Variants in NUAK1 observed in about 807,000 individuals in gnomAD.
NUAK1 encodes the protein NUAK family SNF1-like kinase 1.
Under a neutral mutation model 56.9 loss-of-function variants are expected in NUAK1, and 26 were observed. The ratio of observed to expected loss-of-function variants is 0.46; its 90% CI spans 0.33 to 0.63. The LOEUF (loss-of-function observed/expected upper bound fraction) is 0.63, where lower values mean the gene tolerates loss of function less well. Ranked by LOEUF, NUAK1 falls within the 30% of genes least tolerant of loss-of-function variation. The probability of loss-of-function intolerance (pLI) is 0.02; values close to 1 mark genes in which losing one functional copy is unlikely to be tolerated. For synonymous variants in NUAK1, 337 were observed against 336.0 expected (o/e 1.00, Z -0.03); for missense variants, 727 against 876.1 (o/e 0.83, Z 2.15).
intron 6 of NUAK1, among the ~76,000 whole-genome samples, chr12:106,070,397 C>G (rs905478835): frequency 6.6e-6 from 1 of 152,186 alleles, no homozygotes; most frequent in African/African-American, 2.4e-5. Flanking sequence ...AGAGCAGTGG[C>G]CACCCTCACA....
At chr12:106,132,866 C>A (rs915580571) in intron 1 of NUAK1, among the ~76,000 whole-genome samples, 1 of 152,092 alleles carries the variant, frequency 6.6e-6, no homozygotes, top group Non-Finnish European at 1.5e-5. Context: ...CCAGCTCAGA[C>A]CCCTCTAGAG....
At chr12:106,102,344 C>T (rs146151777) in intron 2 of NUAK1, among the ~76,000 whole-genome samples, 80 of 152,290 alleles carry the variant, frequency 5.3e-4, no homozygotes, top group African/African-American at 1.9e-3. Context: ...CAGCACTGTC[C>T]GGCAGAACTT....
intron 1 of NUAK1, among the ~76,000 whole-genome samples, chr12:106,133,118 C>T (rs2033096179): frequency 6.6e-6 from 1 of 151,984 alleles, no homozygotes; most frequent in Non-Finnish European, 1.5e-5. Context: ...TATTATTACC[C>T]CCATCTTACC....
intron 6 of NUAK1, among the ~76,000 whole-genome samples, chr12:106,068,386 G>T (rs1054976487): frequency 1.4e-4 from 22 of 152,166 alleles, no homozygotes; most frequent in African/African-American, 5.1e-4. Context: ...TCCTCCAAAG[G>T]TGGGCTTGTA....
Position 106,086,613 on chromosome 12 carries a change from T to C in NUAK1, c.513+121A>G. 3 of 941,958 alleles carry C rather than the reference T, an allele frequency of 3.2e-6. No individual in the cohort carries two copies. The South Asian group carries it at 1.4e-4, about 43-fold the overall frequency. The allele number at this position is 941,958 out of a possible 1,614,324, so 58.3% of individuals were successfully genotyped here. On this transcript the variant is annotated intron_variant, in intron 3 of 6. Transcript: ENST00000261402. ...CGGGTGATGGTAATTTTCTTCTTTC[T>C]AGTTCATAAATTCTCCATACATGCT...
chr12:106,106,537 G>T lies in NUAK1; in HGVS notation c.241-12C>A. The stretch of plus-strand genomic sequence containing the variant: ...GATTTTATAGCAACCTATAAAGTCA[G>T]GAAATGAAATGTTATTCAGAGAGCT... On this transcript the variant is annotated splice_polypyrimidine_tract_variant and intron_variant, in intron 1 of 6. Coordinates refer to ENST00000261402, the MANE Select transcript of NUAK1 (RefSeq NM_014840.3). The T allele has an allele frequency of 6.2e-7, 1 of 1,608,724 alleles. No homozygotes were observed. The highest frequency in any genetic ancestry group is 1.1e-5 in the South Asian group (1 of 89,880).
intron 5 of NUAK1, 82 bp from the exon 6 acceptor site, chr12:106,070,988 T>G: frequency 3.3e-6 from 5 of 1,503,162 alleles, no homozygotes; most frequent in Non-Finnish European, 3.7e-6. Context: ...TCATAGCCTG[T>G]GAGCAGCCAC....
chr12:106,122,978 T>C (rs2032992856), intron 1 of NUAK1, among the ~76,000 whole-genome samples: 1 of 152,234 alleles, frequency 6.6e-6, no homozygotes. Context: ...CAACCTGTAG[T>C]CCATGCTCGA....
chr12:106,069,856 G>T (rs1361464417), intron 6 of NUAK1, among the ~76,000 whole-genome samples: 2 of 152,086 alleles, frequency 1.3e-5, no homozygotes, highest in Non-Finnish European at 2.9e-5. Flanking sequence ...AACTTCATTT[G>T]TTAACAAAAA....
At chr12:106,072,397 T>A (rs1015745156) in intron 5 of NUAK1, among the ~76,000 whole-genome samples, 1 of 152,212 alleles carries the variant, frequency 6.6e-6, no homozygotes, top group African/African-American at 2.4e-5. Context: ...CATATGTATA[T>A]CTTGCCTTTT....
At chr12:106,104,000 G>A (rs1254120460) in intron 2 of NUAK1, 1 of 151,442 alleles carries the variant, frequency 6.6e-6, no homozygotes, top group African/African-American at 2.4e-5. Flanking sequence ...TGGGCAGTTC[G>A]TTATAGCAGC....
intron 1 of NUAK1, among the ~76,000 whole-genome samples, chr12:106,128,306 T>C (rs2033044684): frequency 6.6e-6 from 1 of 152,100 alleles, no homozygotes; most frequent in African/African-American, 2.4e-5. Context: ...CAATTTTGTA[T>C]TTTTAGTAGA....
chr12:106,079,955 G>A (rs1453759906), intron 4 of NUAK1, among the ~76,000 whole-genome samples: 2 of 152,184 alleles, frequency 1.3e-5, no homozygotes, highest in Non-Finnish European at 2.9e-5. Flanking sequence ...GAATATTTCT[G>A]ATCAAATAAA....
intron 1 of NUAK1, among the ~76,000 whole-genome samples, chr12:106,108,920 A>G (rs776500574): frequency 1.3e-5 from 2 of 152,210 alleles, no homozygotes; most frequent in Non-Finnish European, 2.9e-5. Flanking sequence ...AAGTGCCCAC[A>G]TTCTCATCAA....
At chr12:106,110,490 G>A (rs1331049280) in intron 1 of NUAK1, among the ~76,000 whole-genome samples, 1 of 152,002 alleles carries the variant, frequency 6.6e-6, no homozygotes, top group African/African-American at 2.4e-5. Context: ...GCATTGCGGA[G>A]GAAACCTCCT....
chr12:106,103,417 TCACTTC>T (rs59872932), intron 2 of NUAK1: 83,937 of 151,306 alleles, frequency 0.55, 24,114 homozygotes, highest in African/African-American at 0.73. Context: ...TTAACGAAAC[TCACTTC>T]CACTTCCACA....
At chr12:106,079,679 T>C (rs2032497170) in intron 4 of NUAK1, among the ~76,000 whole-genome samples, 1 of 152,244 alleles carries the variant, frequency 6.6e-6, no homozygotes, top group African/African-American at 2.4e-5. Flanking sequence ...GCAACTCTAT[T>C]CTTCATTCTC....
chr12:106,106,275 C>A (rs992340344), intron 2 of NUAK1, 130 bp downstream of exon 2: 12 of 772,468 alleles, frequency 1.6e-5, no homozygotes, highest in Non-Finnish European at 2.2e-5. Flanking sequence ...TAACACCCGA[C>A]TATTTTTGCA....
chr12:106,114,452 T>C (rs1302549972), intron 1 of NUAK1, among the ~76,000 whole-genome samples: 3 of 152,168 alleles, frequency 2.0e-5, no homozygotes, highest in African/African-American at 4.8e-5. Flanking sequence ...TGTGGCAACA[T>C]GGCAGATTGT....
Sources: gnomAD v4.1 joint callset for allele counts (sites outside exome capture counted in the v4.1 genomes callset) on GRCh38, gnomAD v4.1.1 for gene constraint, MANE v1.5 for transcripts, NCBI Gene and HGNC (gene_info 2026-07-23, HGNC 2026-07-21) for gene names.